The following GABRB3 variants were observed in gnomAD, a reference collection of about 807,000 sequenced individuals.
The protein encoded by GABRB3 is gamma-aminobutyric acid receptor subunit beta-3.
In GABRB3, 14 loss-of-function variants were observed where a neutral mutation model predicts 52.1. That is an observed-to-expected ratio of 0.27 (90% CI 0.18 to 0.42). The LOEUF (loss-of-function observed/expected upper bound fraction) is 0.42, where lower values mean the gene tolerates loss of function less well. Ranked by LOEUF, GABRB3 falls within the 10% of genes least tolerant of loss-of-function variation. GABRB3 has a pLI of 1.00. For missense variants in GABRB3, 307 were observed against 609.1 expected (o/e 0.50, Z 5.22); for synonymous variants, 260 against 232.3 (o/e 1.12, Z -1.08).
Position 26,698,086 on chromosome 15 carries a change from G to A in GABRB3, c.240+74316C>T, listed in dbSNP as rs564189974. Among the ~76,000 whole-genome samples the A allele has an allele frequency of 5.9e-5, 9 of 152,238 alleles. No homozygotes were observed. In the East Asian group the frequency reaches 1.2e-3, roughly 20 times the overall value. ...CAGCAAAAGAGACACAACAGCCCCC[G>A]TGCAATCTGCACAAAAGACAGATGC... On this transcript the variant is annotated intron_variant, in intron 3 of 8. Coordinates refer to ENST00000311550, the MANE Select transcript of GABRB3 (RefSeq NM_000814.6).
chr15:26,696,088 G>T (rs1383612388), intron 3 of GABRB3, among the ~76,000 whole-genome samples: 4 of 152,146 alleles, frequency 2.6e-5, no homozygotes, highest in African/African-American at 4.8e-5. Flanking sequence ...CTCTAAGATG[G>T]AAATTTTACA....
intron 3 of GABRB3, chr15:26,642,585 A>T (rs1403085901): frequency 2.5e-5 from 25 of 1,013,102 alleles, no homozygotes; most frequent in Non-Finnish European, 2.7e-5. Context: ...CATGCTAAAA[A>T]TAGTCTAAGT....
rs1363377826 is a variant in GABRB3 at position 26,598,162 on chromosome 15, A to G, written c.462-14748T>C. Among the ~76,000 whole-genome samples the G allele has an allele frequency of 2.6e-5, 4 of 152,352 alleles. No homozygotes were observed. In the East Asian group the frequency reaches 7.7e-4, roughly 29 times the overall value. On this transcript the variant is annotated intron_variant, in intron 4 of 8. Coordinates refer to ENST00000311550, the MANE Select transcript of GABRB3 (RefSeq NM_000814.6). ...AGAGAAATTTTACACCTCCCTGAAC[A>G]AAGTTTAATAGTAGGGTATAACTGC...
At chr15:26,606,776 A>AGATATATCGATAGATAGATCTATCTATC (rs1555370497) in intron 4 of GABRB3, among the ~76,000 whole-genome samples, 6 of 118,408 alleles carry the variant, frequency 5.1e-5, no homozygotes, top group Non-Finnish European at 1.1e-4. Context: ...ATCTATAGAT[A>AGATATATCGATAGATAGATCTATCTATC]GATAGATATA....
chr15:26,709,233 G>C (rs1235090774), intron 3 of GABRB3, among the ~76,000 whole-genome samples: 1 of 152,216 alleles, frequency 6.6e-6, no homozygotes, highest in Non-Finnish European at 1.5e-5. Context: ...GGTGGGAGCT[G>C]TCTGGGTCAT....
At chr15:26,635,605 C>T (rs1454448958) in intron 3 of GABRB3, among the ~76,000 whole-genome samples, 2 of 152,084 alleles carry the variant, frequency 1.3e-5, no homozygotes, top group Admixed American at 6.5e-5. Flanking sequence ...ATGCCAGAAC[C>T]GTACCAGTCA....
At chr15:26,659,761 G>C (rs984362211) in intron 3 of GABRB3, among the ~76,000 whole-genome samples, 1 of 152,178 alleles carries the variant, frequency 6.6e-6, no homozygotes, top group Non-Finnish European at 1.5e-5. Flanking sequence ...GCATGTTCCT[G>C]GAGAGCAAGC....
At chr15:26,708,880 C>T (rs185256509) in intron 3 of GABRB3, among the ~76,000 whole-genome samples, 5 of 152,258 alleles carry the variant, frequency 3.3e-5, no homozygotes, top group Middle Eastern at 3.4e-3. Context: ...GACCTTTATG[C>T]GGGCTGTTTG....
rs200555481 is a variant in GABRB3, at chr15:26,667,528, C to T, written c.241-45994G>A. On this transcript the variant is annotated intron_variant, in intron 3 of 8. Transcript: ENST00000311550. Reference sequence around the variant, plus strand: ...CGCTGGCTGTTTTAAAATGCATCAGCCTTCTACAAAAGGTGTGGTTTAATC... The same window carrying T: ...CGCTGGCTGTTTTAAAATGCATCAGTCTTCTACAAAAGGTGTGGTTTAATC... 1.3e-4 allele frequency among the ~76,000 whole-genome samples: 20 copies of T among 152,248 alleles called. No individual in the cohort carries two copies. In the East Asian group the frequency reaches 3.9e-3, roughly 29 times the overall value.
intron 3 of GABRB3, among the ~76,000 whole-genome samples, chr15:26,678,557 T>C (rs1471518986): frequency 2.7e-5 from 4 of 145,624 alleles, no homozygotes; most frequent in Admixed American, 2.7e-4. Context: ...AGAGAGAGAA[T>C]GAGAGTGAGA....
chr15:26,753,071 C>G (rs948092374), intron 3 of GABRB3, among the ~76,000 whole-genome samples: 4 of 152,160 alleles, frequency 2.6e-5, no homozygotes, highest in Non-Finnish European at 5.9e-5. Flanking sequence ...GGCTCTGATA[C>G]CTCTTGAGAA....
intron 3 of GABRB3, among the ~76,000 whole-genome samples, chr15:26,672,531 C>T (rs1415819199): frequency 2.6e-5 from 4 of 152,146 alleles, no homozygotes; most frequent in African/African-American, 7.2e-5. Context: ...TTCCATGATG[C>T]CCCTATGCAC....
chr15:26,716,658 T>A, intron 3 of GABRB3: 1 of 1,005,298 alleles, frequency 9.9e-7, no homozygotes, highest in Non-Finnish European at 1.2e-6. Flanking sequence ...CAACAGCAAG[T>A]CTCTTCTATT....
At chr15:26,681,008 G>A (rs1350405378) in intron 3 of GABRB3, among the ~76,000 whole-genome samples, 5 of 152,160 alleles carry the variant, frequency 3.3e-5, no homozygotes, top group Non-Finnish European at 7.3e-5. Context: ...CCCTCTTCAT[G>A]GCTTTATATT....
At chr15:26,684,666 G>T (rs1485850161) in intron 3 of GABRB3, among the ~76,000 whole-genome samples, 1 of 152,110 alleles carries the variant, frequency 6.6e-6, no homozygotes, top group African/African-American at 2.4e-5. Flanking sequence ...ATTTCCGATA[G>T]TGCTAGGTCT....
chr15:26,558,729 CCT>C (rs1418595149), intron 8 of GABRB3, among the ~76,000 whole-genome samples: 7 of 152,034 alleles, frequency 4.6e-5, no homozygotes, highest in Non-Finnish European at 7.4e-5. Flanking sequence ...ATGGCAAAAC[CCT>C]GTCTCTACTA....
At chr15:26,571,510 C>A (rs1465478808) in intron 6 of GABRB3, among the ~76,000 whole-genome samples, 1 of 152,124 alleles carries the variant, frequency 6.6e-6, no homozygotes, top group Non-Finnish European at 1.5e-5. Flanking sequence ...TTTACTATAT[C>A]CTCCAACTTT....
intron 3 of GABRB3, among the ~76,000 whole-genome samples, chr15:26,635,822 A>G (rs953149186): frequency 1.3e-5 from 2 of 152,194 alleles, no homozygotes; most frequent in African/African-American, 2.4e-5. Context: ...AGTTCTTTCA[A>G]TGTCTGAGAT....
At chr15:26,703,029 G>A (rs931121527) in intron 3 of GABRB3, among the ~76,000 whole-genome samples, 7 of 152,108 alleles carry the variant, frequency 4.6e-5, no homozygotes, top group Admixed American at 3.3e-4. Flanking sequence ...GAAGAAGCAA[G>A]AAATCTTTCT....
Sources: gnomAD v4.1 joint callset for allele counts (sites outside exome capture counted in the v4.1 genomes callset) on GRCh38, gnomAD v4.1.1 for gene constraint, MANE v1.5 for transcripts, NCBI Gene and HGNC (gene_info 2026-07-23, HGNC 2026-07-21) for gene names.